The following PTCD1 variants were observed in gnomAD, a reference collection of about 807,000 sequenced individuals.
PTCD1 encodes the protein pentatricopeptide repeat-containing protein 1, mitochondrial.
A neutral mutation model predicts 53.4 loss-of-function variants in PTCD1; 50 were observed. The ratio of observed to expected loss-of-function variants is 0.94; its 90% CI spans 0.75 to 1.19. The LOEUF (loss-of-function observed/expected upper bound fraction) is 1.19. Ranked by LOEUF, PTCD1 falls within the 50% of genes most tolerant of loss-of-function variation. The pLI is 0.00. For missense variants in PTCD1, 918 were observed against 904.8 expected, an observed-to-expected ratio of 1.01 and a Z score of -0.19; for synonymous variants, 413 against 394.8, an observed-to-expected ratio of 1.05 and a Z score of -0.55.
intron 3 of PTCD1, among the ~76,000 whole-genome samples, chr7:99,431,892 C>A (rs928245213): frequency 2.0e-5 from 3 of 152,224 alleles, no homozygotes; most frequent in Admixed American, 6.5e-5. Context: ...CTAGCCCCAA[C>A]CCTGTGCTTG....
intron 2 of PTCD1, among the ~76,000 whole-genome samples, chr7:99,434,059 A>C (rs1796360476): frequency 1.5e-5 from 2 of 134,704 alleles, no homozygotes; most frequent in Admixed American, 1.6e-4. Flanking sequence ...CTCAAAAAAA[A>C]AAAAAAAACA....
chr7:99,418,856 T>C lies in PTCD1; in HGVS notation c.*1111A>G, dbSNP rs1222222989. 1 of 153,624 alleles carries C rather than the reference T, an allele frequency of 6.5e-6. No individual in the cohort carries two copies. Among genetic ancestry groups the C allele is most frequent in the East Asian group, 1.9e-4 (1 of 5,188 alleles). The allele number at this position is 153,624 out of a possible 1,614,324, so 9.5% of individuals were successfully genotyped here. On this transcript the variant is annotated 3_prime_UTR_variant, in exon 8 of 8. Transcript: ENST00000292478. ...CTTCCAAAAAAAGAACTTGAAAAAG[T>C]AAAATAAACACAAGCCACTGTTCTA...
At chr7:99,426,152 C>CCACGG (rs1177343503) in intron 5 of PTCD1, among the ~76,000 whole-genome samples, 1 of 146,804 alleles carries the variant, frequency 6.8e-6, no homozygotes, top group Non-Finnish European at 1.5e-5. Flanking sequence ...CTCCCTCTCC[C>CCACGG]TCTCCCTCTC....
Position 99,419,177 on chromosome 7 carries a change from G to A in PTCD1, c.*790C>T. The stretch of plus-strand genomic sequence containing the variant: ...GGATTTGCAGAACATATTATAAATA[G>A]ACATACAGATGTAACCTCGGTGTCA... On this transcript the variant is annotated 3_prime_UTR_variant, in exon 8 of 8. Transcript: ENST00000292478. 3.4e-6 allele frequency: 2 copies of A among 586,562 alleles called. No individual in the cohort carries two copies. Among genetic ancestry groups the A allele is most frequent in the Admixed American group, 6.0e-5 (2 of 33,336 alleles). 36.3% of individuals were successfully genotyped at this position (586,562 alleles called of 1,614,324 possible). A position where few individuals can be genotyped will look rare whatever the true frequency, so the allele number is the denominator to read the frequency against.
chr7:99,427,842 A>C (rs1796115251), intron 5 of PTCD1, among the ~76,000 whole-genome samples: 1 of 151,584 alleles, frequency 6.6e-6, no homozygotes, highest in South Asian at 2.1e-4. Flanking sequence ...TGCTGTGTCC[A>C]CTCAGGGTTA....
At chr7:99,435,749 C>A (rs1045548984) in intron 1 of PTCD1, among the ~76,000 whole-genome samples, 8 of 151,664 alleles carry the variant, frequency 5.3e-5, no homozygotes, top group Non-Finnish European at 1.2e-4. Flanking sequence ...TCAAGACCAG[C>A]CTGGCGACAC....
At position 99,417,857 on chromosome 7, in the gene PTCD1, G is replaced by A; in HGVS notation, c.*2110C>T. On this transcript the variant is annotated 3_prime_UTR_variant, in exon 8 of 8. Transcript: ENST00000292478. ...AACCCCTTTCCTCACTTAGGAAATG[G>A]TGGTGGGGAGCCCTAATCCCAAGGT... The A allele has an allele frequency of 7.1e-7, 1 of 1,411,760 alleles. No homozygotes were observed. The allele number at this position is 1,411,760 out of a possible 1,614,324, so 87.5% of individuals were successfully genotyped here.
chr7:99,418,125 G>A lies in PTCD1; in HGVS notation c.*1842C>T, dbSNP rs570022633. The A allele has an allele frequency of 4.9e-5, 16 of 325,586 alleles. No individual in the cohort carries two copies. Among genetic ancestry groups the A allele is most frequent in the East Asian group, 1.5e-4 (1 of 6,656 alleles). The allele number at this position is 325,586 out of a possible 1,614,324, so 20.2% of individuals were successfully genotyped here. ...TGGGACTACAGGCATGCACCACCAC[G>A]CCTGGCTAATTTTGTATTTTTAGTA... On this transcript the variant is annotated 3_prime_UTR_variant, in exon 8 of 8. Coordinates refer to ENST00000292478, the MANE Select transcript of PTCD1 (RefSeq NM_015545.4).
rs180823893 is a variant in PTCD1 at position 99,437,813 on chromosome 7, C to T, written c.-27+879G>A. The stretch of plus-strand genomic sequence containing the variant: ...CCAAGTAGCTGGGATTACAGGAACG[C>T]GCCACTACTCCAGGCCAATTTTTAT... On this transcript the variant is annotated intron_variant, in intron 1 of 7. Coordinates refer to ENST00000292478, the MANE Select transcript of PTCD1 (RefSeq NM_015545.4). 1.5e-3 allele frequency among the ~76,000 whole-genome samples: 225 copies of T among 152,178 alleles called. 1 individual carries two copies. Among genetic ancestry groups the T allele is most frequent in the Non-Finnish European group, 1.1e-3 (75 of 68,014 alleles).
chr7:99,433,965 T>C (rs913231834), intron 2 of PTCD1, among the ~76,000 whole-genome samples: 7 of 151,250 alleles, frequency 4.6e-5, no homozygotes, highest in African/African-American at 1.7e-4. Context: ...GGCAGAAGAA[T>C]TGCTTGAACC....
intron 1 of PTCD1, among the ~76,000 whole-genome samples, chr7:99,438,272 C>A (rs45550138): frequency 1.3e-5 from 2 of 151,504 alleles, no homozygotes; most frequent in African/African-American, 2.4e-5. Flanking sequence ...ACCCGCCCCC[C>A]CAACCCCGCC....
chr7:99,425,025 C>T lies in PTCD1; in HGVS notation c.1507G>A (p.Ala503Thr), dbSNP rs1188764822. 3 of 1,614,244 alleles carry T rather than the reference C, an allele frequency of 1.9e-6. No individual in the cohort carries two copies. The highest frequency in any genetic ancestry group is 2.5e-6 in the Non-Finnish European group (3 of 1,180,046). The change falls in exon 6 of 8, where the codon GCA (alanine) becomes ACA (threonine). Residue 503 changes from alanine to threonine, a missense_variant. Physicochemically the swap from Ala to Thr is moderately conservative, Grantham distance 58 (BLOSUM62 0). Coordinates refer to ENST00000292478, the MANE Select transcript of PTCD1 (RefSeq NM_015545.4). ...AGGAGGGCCAGCAGCAAGGACTCTG[C>T]AGGACTCCCGGACTCCACCACCTCG... ...LAEVVESGSP[A>T]ESLLLALLDE...
rs753527469 is a variant in PTCD1 at position 99,434,836 on chromosome 7, G to C, written c.407C>G (p.Pro136Arg). 3.1e-6 allele frequency: 5 copies of C among 1,614,142 alleles called. No individual in the cohort carries two copies. The highest frequency in any genetic ancestry group is 1.1e-5 in the South Asian group (1 of 91,086). ...TTTGCACTGCAAGAAGTACCAGTAC[G>C]GGGTGTTTCTCCGGCCTCGCCATAA... is the stretch of plus-strand genomic sequence containing the variant. The part of the protein sequence containing the change: ...PKLWRGRRNT[P>R]YWYFLQCKHL... Residue 136 changes from proline to arginine, a missense_variant, in exon 2 of 8, where the codon CCG becomes CGG. Coordinates refer to ENST00000292478, the MANE Select transcript of PTCD1 (RefSeq NM_015545.4).
chr7:99,421,411 G>C (rs1795805933), intron 7 of PTCD1, among the ~76,000 whole-genome samples: 1 of 145,794 alleles, frequency 6.9e-6, no homozygotes, highest in Non-Finnish European at 1.5e-5. Context: ...CTGGGCAACA[G>C]AGTGATTCCC....
At chr7:99,430,893 G>A (rs1030297815) in intron 3 of PTCD1, among the ~76,000 whole-genome samples, 4 of 152,068 alleles carry the variant, frequency 2.6e-5, no homozygotes, top group Admixed American at 1.3e-4. Flanking sequence ...CCAACATGGC[G>A]AAACCCCGTC....
At chr7:99,436,529 C>T (rs565632759) in intron 1 of PTCD1, among the ~76,000 whole-genome samples, 24 of 152,224 alleles carry the variant, frequency 1.6e-4, no homozygotes, top group African/African-American at 4.8e-4. Context: ...GCAGGAGAAT[C>T]ACTTGAACGT....
chr7:99,430,244 T>C (rs1233768090), intron 3 of PTCD1, among the ~76,000 whole-genome samples: 1 of 152,240 alleles, frequency 6.6e-6, no homozygotes, highest in African/African-American at 2.4e-5. Flanking sequence ...AGTGGGAGGA[T>C]GCACTGCAGT....
intron 1 of PTCD1, among the ~76,000 whole-genome samples, chr7:99,436,006 G>C (rs528298094): frequency 6.6e-6 from 1 of 151,898 alleles, no homozygotes; most frequent in East Asian, 1.9e-4. Flanking sequence ...CTAGGTTCAG[G>C]TCAGACATAG....
At chr7:99,438,349 T>C (rs988623469) in intron 1 of PTCD1, among the ~76,000 whole-genome samples, 11 of 151,764 alleles carry the variant, frequency 7.2e-5, no homozygotes, top group Non-Finnish European at 1.5e-4. Flanking sequence ...CGTCTGTAGT[T>C]CCAGCTACTC....
Sources: gnomAD v4.1 joint callset for allele counts (sites outside exome capture counted in the v4.1 genomes callset) on GRCh38, gnomAD v4.1.1 for gene constraint, MANE v1.5 for transcripts, NCBI Gene and HGNC (gene_info 2026-07-23, HGNC 2026-07-21) for gene names.